RNF216: variants seen among roughly 807,000 people sequenced by gnomAD.
The protein encoded by RNF216 is E3 ubiquitin-protein ligase RNF216.
In RNF216, 72 loss-of-function variants were observed where a neutral mutation model predicts 110.8. That is an observed-to-expected ratio of 0.65 (90% confidence interval 0.54 to 0.79). The LOEUF is 0.79. RNF216 is among the 30% of genes least tolerant of loss of function. The probability of loss-of-function intolerance (pLI) is 0.00; values close to 1 mark genes in which losing one functional copy is unlikely to be tolerated. For synonymous variants in RNF216, 495 were observed against 407.5 expected (o/e 1.21, Z -2.59); for missense variants, 1,342 against 1,141.2 (o/e 1.18, Z -2.54).
At chr7:5,774,716 A>T (rs928821692) in intron 1 of RNF216, among the ~76,000 whole-genome samples, 7 of 130,610 alleles carry the variant, frequency 5.4e-5, no homozygotes, top group African/African-American at 2.0e-4. Context: ...AATAAAATAC[A>T]GTTCAAGGGG....
At position 5,715,147 on chromosome 7, in the gene RNF216, G is replaced by A; in HGVS notation, c.1739C>T (p.Pro580Leu). The A allele has an allele frequency of 6.2e-7, 1 of 1,613,858 alleles. No homozygotes were observed. Among genetic ancestry groups the A allele is most frequent in the Non-Finnish European group, 8.5e-7 (1 of 1,180,016 alleles). Reference protein sequence around the residue: ...IECRCCYGEFPFEELTQCADA... With the variant: ...IECRCCYGEFLFEELTQCADA... ...TGCGCACTGCGTCAGCTCCTCGAAT[G>A]GAAATTCCCCATAGCAGCAGCGACA... Residue 580 changes from proline (P) to leucine (L), a missense_variant, in exon 11 of 17, where the codon CCA becomes CTA. Pro to Leu is a moderately conservative substitution (Grantham distance 98). Coordinates refer to ENST00000389902, the MANE Select transcript of RNF216 (RefSeq NM_207111.4).
rs754444984 is a variant in RNF216 at position 5,675,714 on chromosome 7, C to CTTTTTTTTTTTTT, written c.2062-23205_2062-23204insAAAAAAAAAAAAA. Among the ~76,000 whole-genome samples, 48 of 141,228 alleles carry CTTTTTTTTTTTTT rather than the reference C, an allele frequency of 3.4e-4. 1 individual carries two copies. The highest frequency in any genetic ancestry group is 9.0e-4 in the South Asian group (4 of 4,464). The allele number at this position is 141,228 out of a possible 152,430, so 92.7% of individuals were successfully genotyped here. A position where few individuals can be genotyped will look rare whatever the true frequency, so the allele number is the denominator to read the frequency against. Reference sequence around the variant, plus strand: ...CTATAGCGCTAACTCTATTCAAATTCTTTTTTTTTTTTGAGGTGGAGTTTC... The same window carrying CTTTTTTTTTTTTT: ...CTATAGCGCTAACTCTATTCAAATTCTTTTTTTTTTTTTTTTTTTTTTTTTGAGGTGGAGTTTC... On this transcript the variant is annotated intron_variant, in intron 13 of 16. Transcript: ENST00000389902.
In RNF216 at chr7:5,696,870, C is replaced by T. The variant is rs1177357508; in HGVS notation, c.2061+14891G>A. Among the ~76,000 whole-genome samples the T allele has an allele frequency of 6.6e-6, 1 of 152,090 alleles. No homozygotes were observed. The highest frequency in any genetic ancestry group is 1.5e-5 in the Non-Finnish European group (1 of 68,008). ...ACTACATTGGCAAGGTGTTCCAATT[C>T]CCTTGATATTCTATATCTGATCTCT... On this transcript the variant is annotated intron_variant, in intron 13 of 16. Transcript: ENST00000389902. This position sits in a 1 kb window ranked among gnomAD's most constrained non-coding sequence, Gnocchi z 5.4.
In RNF216 at chr7:5,741,161, C is replaced by T; in HGVS notation, c.856G>A (p.Gly286Ser). 1.2e-6 allele frequency: 2 copies of T among 1,614,152 alleles called. No homozygotes were observed. Among genetic ancestry groups the T allele is most frequent in the Non-Finnish European group, 8.5e-7 (1 of 1,180,042 alleles). ...RPEPQQGGISGPSSPQPAHPL... is the reference protein window; with the variant it reads ...RPEPQQGGISSPSSPQPAHPL... Reference sequence around the variant, plus strand: ...TGGGCAGGCTGAGGAGAAGAGGGGCCTGAAATCCCACCTTGCTGGGGTTCC... The same window carrying T: ...TGGGCAGGCTGAGGAGAAGAGGGGCTTGAAATCCCACCTTGCTGGGGTTCC... Residue 286 changes from glycine to serine, a missense_variant, in exon 4 of 17, where the codon GGC (glycine) becomes AGC (serine). Physicochemically the swap from Gly to Ser is moderately conservative, Grantham distance 56 (BLOSUM62 0). Transcript: ENST00000389902.
At chr7:5,657,989 A>C (rs116900059) in intron 13 of RNF216, among the ~76,000 whole-genome samples, 1 of 152,238 alleles carries the variant, frequency 6.6e-6, no homozygotes, top group Non-Finnish European at 1.5e-5. Context: ...CTCTACTGAG[A>C]GAGTTACATA....
chr7:5,747,344 AG>A (rs1345347007), intron 3 of RNF216, among the ~76,000 whole-genome samples: 1 of 152,212 alleles, frequency 6.6e-6, no homozygotes, highest in Non-Finnish European at 1.5e-5. Context: ...TGGTGGGACC[AG>A]GGGAAGGAGA....
intron 13 of RNF216, among the ~76,000 whole-genome samples, chr7:5,707,680 G>C (rs911107076): frequency 6.9e-6 from 1 of 144,582 alleles, no homozygotes; most frequent in African/African-American, 2.6e-5. Flanking sequence ...CCTTGTTCCT[G>C]ATCTTAGTAA....
intron 1 of RNF216, among the ~76,000 whole-genome samples, chr7:5,769,446 G>A (rs1329939291): frequency 1.3e-5 from 2 of 151,982 alleles, no homozygotes; most frequent in African/African-American, 4.8e-5. Context: ...AAAGAGGCTG[G>A]GCGTGGTGGC....
rs1436948949 is a variant in RNF216, at chr7:5,760,689, C to T, written c.67+314G>A. Among the ~76,000 whole-genome samples the T allele has an allele frequency of 1.1e-4, 17 of 152,290 alleles. No homozygotes were observed. In the East Asian group the frequency reaches 3.3e-3, roughly 29 times the overall value. Reference sequence around the variant, plus strand: ...TTCAGAACATAAAGGCCTAGTGGAGCACTCCTTTATAATCACCACGCCTTC... The same window carrying T: ...TTCAGAACATAAAGGCCTAGTGGAGTACTCCTTTATAATCACCACGCCTTC... On this transcript the variant is annotated intron_variant, in intron 2 of 16. Transcript: ENST00000389902.
At chr7:5,702,962 C>G (rs1792063960) in intron 13 of RNF216, among the ~76,000 whole-genome samples, 2 of 152,174 alleles carry the variant, frequency 1.3e-5, no homozygotes, top group African/African-American at 4.8e-5. Context: ...GAGCTGAGAG[C>G]TCTGCCAGGC....
At chr7:5,756,605 G>C (rs1795655898) in intron 2 of RNF216, among the ~76,000 whole-genome samples, 2 of 152,164 alleles carry the variant, frequency 1.3e-5, no homozygotes, top group Non-Finnish European at 1.5e-5. Flanking sequence ...ATGTTGGCTA[G>C]GCTGGGTTTG....
intron 2 of RNF216, among the ~76,000 whole-genome samples, chr7:5,755,295 T>G (rs889638563): frequency 1.3e-5 from 2 of 151,990 alleles, no homozygotes; most frequent in Non-Finnish European, 2.9e-5. Context: ...TAAAGTCCAG[T>G]GTTTGACAAG....
chr7:5,676,481 C>T (rs1790305833), intron 13 of RNF216, among the ~76,000 whole-genome samples: 2 of 152,180 alleles, frequency 1.3e-5, no homozygotes, highest in South Asian at 2.1e-4. Context: ...GGAACCCCAC[C>T]GAGCTGCACC....
intron 13 of RNF216, among the ~76,000 whole-genome samples, chr7:5,662,728 A>G (rs758585321): frequency 6.6e-6 from 1 of 152,120 alleles, no homozygotes; most frequent in Non-Finnish European, 1.5e-5. Flanking sequence ...ACAAACAGAT[A>G]ACTGTATACT....
At chr7:5,745,690 A>C (rs1216477431) in intron 3 of RNF216, among the ~76,000 whole-genome samples, 1 of 152,056 alleles carries the variant, frequency 6.6e-6, no homozygotes, top group African/African-American at 2.4e-5. Context: ...ACTTGAGGTC[A>C]AGAGTTAGAG....
At chr7:5,735,513 A>T (rs981919211) in intron 5 of RNF216, among the ~76,000 whole-genome samples, 10 of 152,216 alleles carry the variant, frequency 6.6e-5, no homozygotes, top group Admixed American at 2.6e-4. Flanking sequence ...AAAAGCTAAA[A>T]TTTCATAACT....
rs1241287604 is a variant in RNF216, at chr7:5,748,522, G to A, written c.201+4324C>T. Among the ~76,000 whole-genome samples the A allele has an allele frequency of 3.9e-5, 6 of 152,162 alleles. No individual in the cohort carries two copies. The South Asian group carries it at 6.2e-4, about 16-fold the overall frequency. ...CTCCCAAAGTGCTGGGATTATAGGC[G>A]TGAGCCACCGTGTCCAGTTTCTTTA... On this transcript the variant is annotated intron_variant, in intron 3 of 16. Coordinates refer to ENST00000389902, the MANE Select transcript of RNF216 (RefSeq NM_207111.4).
intron 1 of RNF216, among the ~76,000 whole-genome samples, chr7:5,777,334 T>C (rs921279704): frequency 6.6e-6 from 1 of 152,200 alleles, no homozygotes; most frequent in Non-Finnish European, 1.5e-5. Flanking sequence ...TTGTTATACA[T>C]CAACAGATAA....
chr7:5,658,078 T>G (rs1398635882), intron 13 of RNF216, among the ~76,000 whole-genome samples: 2 of 152,198 alleles, frequency 1.3e-5, no homozygotes, highest in Non-Finnish European at 2.9e-5. Flanking sequence ...TGCATGTGCA[T>G]GCAGAGGAGA....
Sources: allele counts gnomAD v4.1 joint callset (sites outside exome capture counted in the v4.1 genomes callset), GRCh38; gene constraint gnomAD v4.1.1; non-coding constraint Gnocchi (gnomAD v3.1); transcripts MANE v1.5; gene names NCBI Gene and HGNC (gene_info 2026-07-23, HGNC 2026-07-21).